The following SNTG2 variants were observed in gnomAD, a reference collection of about 807,000 sequenced individuals.
SNTG2 encodes the protein gamma-2-syntrophin.
In SNTG2, 74 loss-of-function variants were observed where a neutral mutation model predicts 70.9. The observed-to-expected ratio is 1.04, with a 90% CI of 0.86 to 1.27. The LOEUF is 1.27. Ranked by LOEUF, SNTG2 falls within the 50% of genes most tolerant of loss-of-function variation. The probability of loss-of-function intolerance (pLI) is 0.00; values close to 1 mark genes in which losing one functional copy is unlikely to be tolerated. For synonymous variants in SNTG2, 278 were observed against 273.8 expected (o/e 1.02, Z -0.15); for missense variants, 717 against 690.7 (o/e 1.04, Z -0.43).
intron 14 of SNTG2, among the ~76,000 whole-genome samples, chr2:1,285,670 A>C: frequency 6.6e-6 from 1 of 152,362 alleles, no homozygotes; most frequent in East Asian, 1.9e-4. Flanking sequence ...TGCTCATGAC[A>C]ATTACAATCC....
At chr2:1,153,185 C>T (rs1197233196) in intron 6 of SNTG2, among the ~76,000 whole-genome samples, 1 of 151,912 alleles carries the variant, frequency 6.6e-6, no homozygotes, top group Non-Finnish European at 1.5e-5. Context: ...AATAACTGGG[C>T]ACTGCCCAGC....
intron 14 of SNTG2, among the ~76,000 whole-genome samples, chr2:1,295,965 G>T (rs978101920): frequency 3.2e-4 from 48 of 152,054 alleles, no homozygotes; most frequent in African/African-American, 1.1e-3. Context: ...CACTGTAGAA[G>T]GCTGAGTCTC....
chr2:1,034,775 G>A (rs1190396099), intron 1 of SNTG2, among the ~76,000 whole-genome samples: 1 of 152,138 alleles, frequency 6.6e-6, no homozygotes, highest in African/African-American at 2.4e-5. Context: ...ATAATAATGG[G>A]AGACTTCAAC....
intron 2 of SNTG2, among the ~76,000 whole-genome samples, chr2:1,088,971 G>T (rs563126893): frequency 4.6e-5 from 7 of 152,322 alleles, no homozygotes; most frequent in Middle Eastern, 3.4e-3. Context: ...AAGACACAAA[G>T]TGCTGGGAAA....
At chr2:1,041,802 G>A (rs1481258425) in intron 1 of SNTG2, among the ~76,000 whole-genome samples, 2 of 152,098 alleles carry the variant, frequency 1.3e-5, no homozygotes, top group East Asian at 1.9e-4. Context: ...CCAGTCTCAG[G>A]TATTTCTTTA....
intron 4 of SNTG2, among the ~76,000 whole-genome samples, chr2:1,116,779 T>G (rs1321015169): frequency 4.7e-5 from 7 of 148,050 alleles, no homozygotes; most frequent in Admixed American, 1.3e-4. Context: ...GGTGTGTGGG[T>G]GCTCTGGTGT....
chr2:1,280,571 AG>A (rs1279585284), intron 14 of SNTG2, among the ~76,000 whole-genome samples: 3 of 152,260 alleles, frequency 2.0e-5, no homozygotes, highest in Non-Finnish European at 4.4e-5. Context: ...AGAAGCACCA[AG>A]GTCAGAGGCT....
At chr2:1,167,191 C>G (rs1359507239) in intron 7 of SNTG2, among the ~76,000 whole-genome samples, 2 of 151,984 alleles carry the variant, frequency 1.3e-5, no homozygotes, top group East Asian at 3.9e-4. Flanking sequence ...GAACTGAAAC[C>G]TACAGGCCGC....
At chr2:1,224,884 C>T (rs2148057106) in intron 9 of SNTG2, among the ~76,000 whole-genome samples, 1 of 152,286 alleles carries the variant, frequency 6.6e-6, no homozygotes, top group Non-Finnish European at 1.5e-5. Flanking sequence ...TGGTTACGTT[C>T]CTGGAGTTCA....
chr2:1,166,922 C>G (rs1670745988), intron 7 of SNTG2, among the ~76,000 whole-genome samples: 1 of 152,134 alleles, frequency 6.6e-6, no homozygotes, highest in African/African-American at 2.4e-5. Flanking sequence ...GGACGAGACT[C>G]CAGGAGAAAA....
intron 8 of SNTG2, among the ~76,000 whole-genome samples, chr2:1,182,040 T>C (rs1027005244): frequency 6.6e-6 from 1 of 152,186 alleles, no homozygotes; most frequent in Non-Finnish European, 1.5e-5. Context: ...ACTGGCTTGT[T>C]AATTGGTTAG....
chr2:1,225,686 C>T (rs995652444), intron 9 of SNTG2, among the ~76,000 whole-genome samples: 3 of 152,196 alleles, frequency 2.0e-5, no homozygotes, highest in East Asian at 1.9e-4. Context: ...GCTCCACTCA[C>T]GTCTGCATTT....
intron 1 of SNTG2, among the ~76,000 whole-genome samples, chr2:969,380 G>GTT (rs35978804): frequency 0.34 from 51,273 of 151,662 alleles, 9,382 homozygotes; most frequent in Middle Eastern, 0.45. Flanking sequence ...TTTTATAATA[G>GTT]TTTTTTTTCT....
intron 1 of SNTG2, among the ~76,000 whole-genome samples, chr2:1,061,091 A>G (rs562029009): frequency 3.9e-5 from 2 of 50,772 alleles, no homozygotes; most frequent in South Asian, 1.0e-3. Context: ...CCATGTTTCC[A>G]AAAAAAAAGA....
chr2:1,030,733 G>A (rs1660768343), intron 1 of SNTG2, among the ~76,000 whole-genome samples: 1 of 152,194 alleles, frequency 6.6e-6, no homozygotes, highest in Admixed American at 6.5e-5. Context: ...CATGTTATGT[G>A]TATTACATTG....
At chr2:963,668 A>C (rs559257585) in intron 1 of SNTG2, among the ~76,000 whole-genome samples, 1 of 152,276 alleles carries the variant, frequency 6.6e-6, no homozygotes, top group African/African-American at 2.4e-5. Flanking sequence ...TCTTTTCCAC[A>C]GTTTTTGACT....
At chr2:964,019 G>A (rs564192775) in intron 1 of SNTG2, among the ~76,000 whole-genome samples, 17 of 152,108 alleles carry the variant, frequency 1.1e-4, no homozygotes, top group South Asian at 4.1e-4. Flanking sequence ...AAGGCTCAGC[G>A]ATCCACGCAG....
chr2:1,114,996 A>G (rs1292111499), intron 4 of SNTG2, among the ~76,000 whole-genome samples: 1 of 151,838 alleles, frequency 6.6e-6, no homozygotes. Flanking sequence ...TTTAATCCTT[A>G]CAGTCCTTTG....
intron 16 of SNTG2, among the ~76,000 whole-genome samples, chr2:1,355,759 C>G (rs1302108007): frequency 6.6e-6 from 1 of 152,078 alleles, no homozygotes; most frequent in East Asian, 1.9e-4. Flanking sequence ...TGAGAAACCC[C>G]CATACTATTC....
Sources: allele counts gnomAD v4.1 joint callset (sites outside exome capture counted in the v4.1 genomes callset), GRCh38; gene constraint gnomAD v4.1.1; transcripts MANE v1.5; gene names NCBI Gene and HGNC (gene_info 2026-07-23, HGNC 2026-07-21).